Variants in GAS7 observed in about 807,000 individuals in gnomAD.
GAS7 encodes the protein growth arrest-specific protein 7.
In GAS7, 28 loss-of-function variants were observed where a neutral mutation model predicts 71.1. The observed-to-expected ratio is 0.39, with a 90% CI of 0.29 to 0.54. GAS7 has a LOEUF of 0.54. Among genes scored for constraint, GAS7 ranks in the 20% least tolerant of loss-of-function variants. The pLI is 0.62. For synonymous variants in GAS7, 258 were observed against 245.8 expected, an observed-to-expected ratio of 1.05 and a Z score of -0.46; for missense variants, 436 against 627.8, an observed-to-expected ratio of 0.69 and a Z score of 3.27.
intron 1 of GAS7, among the ~76,000 whole-genome samples, chr17:10,113,518 G>A (rs2073833373): frequency 6.6e-6 from 1 of 152,144 alleles, no homozygotes; most frequent in African/African-American, 2.4e-5. Flanking sequence ...TCCAAGATAT[G>A]TTATATGATT....
chr17:9,983,703 C>A (rs995230000), intron 2 of GAS7, among the ~76,000 whole-genome samples: 4 of 152,052 alleles, frequency 2.6e-5, no homozygotes, highest in African/African-American at 9.7e-5. Flanking sequence ...ACGAGAATCG[C>A]TTGGTCCTGG....
Position 9,916,907 on chromosome 17 carries a change from T to C in GAS7, c.*321A>G. 2 of 489,054 alleles carry C rather than the reference T, an allele frequency of 4.1e-6. No individual in the cohort carries two copies. The highest frequency in any genetic ancestry group is 7.2e-6 in the Non-Finnish European group (2 of 275,924). The allele number at this position is 489,054 out of a possible 1,614,324, so 30.3% of individuals were successfully genotyped here. A position where few individuals can be genotyped will look rare whatever the true frequency, so the allele number is the denominator to read the frequency against. Reference sequence around the variant, plus strand: ...CCTTGGGGCTTCCAGGGCACAAGCATGTGACAGTGACCCCTACAAAACTCG... The same window carrying C: ...CCTTGGGGCTTCCAGGGCACAAGCACGTGACAGTGACCCCTACAAAACTCG... On this transcript the variant is annotated 3_prime_UTR_variant, in exon 14 of 14. Transcript: ENST00000432992.
intron 1 of GAS7, among the ~76,000 whole-genome samples, chr17:10,106,577 A>G (rs1002875042): frequency 6.6e-6 from 1 of 152,186 alleles, no homozygotes; most frequent in Non-Finnish European, 1.5e-5. Context: ...TTAGAGCATT[A>G]GACCTTCAAC....
chr17:9,998,704 G>A (rs541696064), intron 2 of GAS7, among the ~76,000 whole-genome samples: 1 of 136,302 alleles, frequency 7.3e-6, no homozygotes, highest in Non-Finnish European at 1.6e-5. Flanking sequence ...AAGGAAAAGG[G>A]AAGGGAAGGG....
chr17:9,967,638 T>A (rs1037465617), intron 4 of GAS7, among the ~76,000 whole-genome samples: 4 of 152,210 alleles, frequency 2.6e-5, no homozygotes, highest in African/African-American at 9.6e-5. Flanking sequence ...TATTTTATGT[T>A]GTGAGTACTT....
chr17:10,115,837 A>C (rs1458783566), intron 1 of GAS7, among the ~76,000 whole-genome samples: 1 of 152,094 alleles, frequency 6.6e-6, no homozygotes, highest in Non-Finnish European at 1.5e-5. Flanking sequence ...CCAAAGCTCC[A>C]ATATCCAGGC....
Position 10,014,882 on chromosome 17 carries a change from C to T in GAS7, c.304+4895G>A, listed in dbSNP as rs146048144. Among the ~76,000 whole-genome samples, 99 of 152,106 alleles carry T rather than the reference C, an allele frequency of 6.5e-4. 1 individual carries two copies. The highest frequency in any genetic ancestry group is 2.4e-3 in the African/African-American group (99 of 41,482). On this transcript the variant is annotated intron_variant, in intron 2 of 13. Transcript: ENST00000432992. Reference sequence around the variant, plus strand: ...AATAAGCAGATTAGCCAGCCAGGTGCGGTGACTCACGCCTGTAATCCCAGC... The same window carrying T: ...AATAAGCAGATTAGCCAGCCAGGTGTGGTGACTCACGCCTGTAATCCCAGC...
chr17:9,963,788 T>A (rs538431045), intron 4 of GAS7, among the ~76,000 whole-genome samples: 1 of 152,160 alleles, frequency 6.6e-6, no homozygotes, highest in East Asian at 1.9e-4. Flanking sequence ...GAATCTGGAG[T>A]GTATATATTA....
At chr17:9,966,162 C>T (rs1188581709) in intron 4 of GAS7, among the ~76,000 whole-genome samples, 1 of 151,956 alleles carries the variant, frequency 6.6e-6, no homozygotes, top group African/African-American at 2.4e-5. Flanking sequence ...CCACGCCCGG[C>T]TAATTTTTTG....
At chr17:9,917,725 T>A (rs1340659179) in intron 13 of GAS7, among the ~76,000 whole-genome samples, 2 of 152,248 alleles carry the variant, frequency 1.3e-5, no homozygotes, top group Non-Finnish European at 2.9e-5. Flanking sequence ...TTTAATAATG[T>A]CTTCAGCTAC....
At chr17:9,929,536 G>A (rs987652704) in intron 9 of GAS7, among the ~76,000 whole-genome samples, 5 of 152,004 alleles carry the variant, frequency 3.3e-5, no homozygotes, top group Admixed American at 6.5e-5. Flanking sequence ...GTGCAATGGC[G>A]CAATCTTGGC....
intron 1 of GAS7, among the ~76,000 whole-genome samples, chr17:10,139,825 C>T (rs9910190): frequency 0.89 from 135,150 of 152,298 alleles, 60,183 homozygotes; most frequent in East Asian, 1. Flanking sequence ...ACTTGCCTCA[C>T]TGGCATAAAG....
chr17:10,106,408 A>C (rs550064224), intron 1 of GAS7, among the ~76,000 whole-genome samples: 1 of 152,308 alleles, frequency 6.6e-6, no homozygotes, highest in South Asian at 2.1e-4. Context: ...GATAATCCCC[A>C]AGACCATGTC....
chr17:10,073,362 G>C (rs1399425866), intron 1 of GAS7, among the ~76,000 whole-genome samples: 3 of 152,204 alleles, frequency 2.0e-5, no homozygotes, highest in African/African-American at 2.4e-5. Context: ...TCCCCAGCCA[G>C]TGCAGGCTTG....
In GAS7 at chr17:10,193,293, C is replaced by T. The variant is rs1597847425; in HGVS notation, c.183+4915G>A. Among the ~76,000 whole-genome samples the T allele has an allele frequency of 2.0e-5, 3 of 147,552 alleles. No homozygotes were observed. The South Asian group carries it at 6.4e-4, about 32-fold the overall frequency. On this transcript the variant is annotated intron_variant, in intron 1 of 13. Transcript: ENST00000432992. ...AAAAAAAAAAACCCTCCAAGGATTG[C>T]GATAGAGGTAGAACTGCCAAGTCTC...
At chr17:10,017,860 G>A (rs189982855) in intron 2 of GAS7, among the ~76,000 whole-genome samples, 365 of 152,240 alleles carry the variant, frequency 2.4e-3, no homozygotes, top group African/African-American at 8.0e-3. Context: ...CCCTGGCCTG[G>A]AGCCTCTGTG....
chr17:10,042,381 T>C (rs2072885335), intron 1 of GAS7, among the ~76,000 whole-genome samples: 1 of 151,644 alleles, frequency 6.6e-6, no homozygotes, highest in African/African-American at 2.4e-5. Context: ...TTCACAGTCA[T>C]GAACGGAAAA....
intron 1 of GAS7, among the ~76,000 whole-genome samples, chr17:10,028,508 C>T (rs2152216763): frequency 6.6e-6 from 1 of 151,890 alleles, no homozygotes; most frequent in South Asian, 2.1e-4. Flanking sequence ...GAAGAACATC[C>T]AGAAGCCTAG....
chr17:9,934,104 T>C (rs1376102715), intron 9 of GAS7, 62 bp downstream of exon 9: 2 of 1,068,636 alleles, frequency 1.9e-6, no homozygotes, highest in African/African-American at 3.1e-5. Flanking sequence ...AGACAGTTGT[T>C]AACTATTTTT....
Sources: allele counts gnomAD v4.1 joint callset (sites outside exome capture counted in the v4.1 genomes callset), GRCh38; gene constraint gnomAD v4.1.1; transcripts MANE v1.5; gene names NCBI Gene and HGNC (gene_info 2026-07-23, HGNC 2026-07-21).